Variants in CCDC150 observed in about 807,000 individuals in gnomAD.
The protein encoded by CCDC150 is coiled-coil domain containing 150.
CCDC150 carries 151 observed loss-of-function variants against 156.5 expected under a neutral mutation model. The observed-to-expected ratio is 0.97, with a 90% CI of 0.85 to 1.10. CCDC150 has a LOEUF of 1.10. CCDC150 is among the 50% of genes least tolerant of loss of function. CCDC150 has a pLI of 0.00. For missense variants in CCDC150, 1,312 were observed against 1,268.1 expected (o/e 1.03, Z -0.53); for synonymous variants, 452 against 429.4 (o/e 1.05, Z -0.65).
chr2:196,656,449 A>G (rs1158160855), intron 2 of CCDC150, among the ~76,000 whole-genome samples, 184 bp from the exon 3 acceptor site: 1 of 152,170 alleles, frequency 6.6e-6, no homozygotes, highest in Non-Finnish European at 1.5e-5. Flanking sequence ...GTGTCAATTA[A>G]TCAATTCTCA....
chr2:196,671,209 C>G (rs1193708753), intron 8 of CCDC150, among the ~76,000 whole-genome samples: 1 of 152,134 alleles, frequency 6.6e-6, no homozygotes, highest in Non-Finnish European at 1.5e-5. Flanking sequence ...TAAAAATCTT[C>G]TGTGCTTTGC....
At chr2:196,645,785 G>A (rs1193083494) in intron 1 of CCDC150, among the ~76,000 whole-genome samples, 4 of 152,144 alleles carry the variant, frequency 2.6e-5, no homozygotes, top group African/African-American at 4.8e-5. Context: ...TTCAATGCAG[G>A]ATACATAGTT....
intron 8 of CCDC150, 84 bp downstream of exon 8, chr2:196,669,960 G>T: frequency 1.0e-6 from 1 of 962,634 alleles, no homozygotes; most frequent in South Asian, 1.7e-5. Context: ...GGCTTACAGT[G>T]CTTCTTACTC....
intron 27 of CCDC150, 111 bp from the exon 28 acceptor site, chr2:196,732,335 A>G (rs1698566338): frequency 1.8e-6 from 2 of 1,125,798 alleles, no homozygotes; most frequent in African/African-American, 1.6e-5. Flanking sequence ...AACTTTTTAG[A>G]TTAGAATCAC....
intron 22 of CCDC150, 77 bp downstream of exon 22, chr2:196,726,176 A>G: frequency 1.3e-6 from 2 of 1,527,284 alleles, no homozygotes; most frequent in Non-Finnish European, 1.8e-6. Context: ...GAGAATGGCT[A>G]CAGTTGTTCT....
Position 196,732,626 on chromosome 2 carries a change from C to T in CCDC150, c.*64C>T, listed in dbSNP as rs558517703. ...TCCATGATTCCAAGAGCCCAGCAGCCGGGGCTGGCCTGTTTCTAGAGTCAT... is the reference window on the plus strand; with the variant it reads ...TCCATGATTCCAAGAGCCCAGCAGCTGGGGCTGGCCTGTTTCTAGAGTCAT... On this transcript the variant is annotated 3_prime_UTR_variant, in exon 28 of 28. Coordinates refer to ENST00000389175, the MANE Select transcript of CCDC150 (RefSeq NM_001080539.2). 1.2e-4 allele frequency: 130 copies of T among 1,099,480 alleles called. No individual in the cohort carries two copies. The highest frequency in any genetic ancestry group is 6.4e-4 in the East Asian group (27 of 42,390). 68.1% of individuals were successfully genotyped at this position (1,099,480 alleles called of 1,614,324 possible).
intron 17 of CCDC150, among the ~76,000 whole-genome samples, chr2:196,716,248 T>C (rs1349117874): frequency 6.6e-6 from 1 of 152,206 alleles, no homozygotes; most frequent in East Asian, 1.9e-4. Flanking sequence ...ACCCAGTCAG[T>C]GCACTACTAA....
chr2:196,686,298 G>C (rs1695124248), intron 13 of CCDC150: 1 of 178,134 alleles, frequency 5.6e-6, no homozygotes, highest in African/African-American at 2.4e-5. Context: ...AGCTGGGCAA[G>C]TTCAACAACA....
chr2:196,660,812 A>G (rs922913785), intron 5 of CCDC150, among the ~76,000 whole-genome samples: 1 of 152,214 alleles, frequency 6.6e-6, no homozygotes, highest in African/African-American at 2.4e-5. Context: ...GAAGTCCAAT[A>G]TATCAATTTT....
intron 4 of CCDC150, among the ~76,000 whole-genome samples, chr2:196,657,706 ATGT>A (rs927370932): frequency 4.6e-5 from 7 of 152,104 alleles, no homozygotes; most frequent in Non-Finnish European, 7.4e-5. Flanking sequence ...GAAACTAACA[ATGT>A]TGTTCTCCCT....
chr2:196,699,877 T>C (rs964489693), intron 14 of CCDC150, among the ~76,000 whole-genome samples: 2 of 152,180 alleles, frequency 1.3e-5, no homozygotes, highest in African/African-American at 4.8e-5. Flanking sequence ...TTACAGATTA[T>C]AGTAATCTAG....
intron 4 of CCDC150, among the ~76,000 whole-genome samples, chr2:196,657,987 T>C (rs1693325449): frequency 3.3e-5 from 5 of 152,162 alleles, no homozygotes; most frequent in Admixed American, 3.3e-4. Flanking sequence ...AGTTGGATAT[T>C]AGCTAGCAAT....
In CCDC150 at chr2:196,721,692, G is replaced by A; in HGVS notation, c.2429+1G>A. 1 of 1,588,790 alleles carries A rather than the reference G, an allele frequency of 6.3e-7. No individual in the cohort carries two copies. The highest frequency in any genetic ancestry group is 8.6e-7 in the Non-Finnish European group (1 of 1,168,344). On this transcript the variant is annotated splice_donor_variant, in intron 21 of 27. Coordinates refer to ENST00000389175, the MANE Select transcript of CCDC150 (RefSeq NM_001080539.2). LOFTEE classifies it high-confidence loss of function. ...AGCGACAGAATTTGGAAACCTTCAA[G>A]TAAGAGCATTATAGTTGCAGTAAAA... is the stretch of plus-strand genomic sequence containing the variant.
chr2:196,696,465 G>C (rs1323665414), intron 14 of CCDC150, among the ~76,000 whole-genome samples: 1 of 152,194 alleles, frequency 6.6e-6, no homozygotes, highest in Admixed American at 6.5e-5. Flanking sequence ...TTCTCAGTCT[G>C]ACTGATTCTT....
intron 13 of CCDC150, among the ~76,000 whole-genome samples, chr2:196,694,574 T>G (rs1208235454): frequency 6.6e-6 from 1 of 152,052 alleles, no homozygotes; most frequent in Non-Finnish European, 1.5e-5. Flanking sequence ...TTAAAAACAT[T>G]ATAGAGTGGC....
intron 13 of CCDC150, among the ~76,000 whole-genome samples, chr2:196,693,876 T>C (rs1409190557): frequency 2.6e-5 from 4 of 152,148 alleles, no homozygotes; most frequent in Admixed American, 2.6e-4. Context: ...ATTCTTTTAC[T>C]GCGAGTATTA....
chr2:196,649,779 C>G (rs1692769200), intron 2 of CCDC150, among the ~76,000 whole-genome samples: 1 of 152,042 alleles, frequency 6.6e-6, no homozygotes, highest in South Asian at 2.1e-4. Flanking sequence ...GGATTATTTT[C>G]TTAATTTCTT....
chr2:196,658,711 C>T lies in CCDC150; in HGVS notation c.577-81C>T, dbSNP rs1575769554. On this transcript the variant is annotated intron_variant, in intron 4 of 27. Coordinates refer to ENST00000389175, the MANE Select transcript of CCDC150 (RefSeq NM_001080539.2). ...CATTTATAGGTTGCCAGAAAAAAAC[C>T]TGATTTGATCTGATATACCTATAGA... 4.0e-6 allele frequency: 4 copies of T among 990,420 alleles called. No individual in the cohort carries two copies. In the African/African-American group the frequency reaches 5.0e-5, roughly 12 times the overall value. 61.4% of individuals were successfully genotyped at this position (990,420 alleles called of 1,614,324 possible).
At chr2:196,680,955 G>T (rs184732299) in intron 13 of CCDC150, among the ~76,000 whole-genome samples, 172 of 152,212 alleles carry the variant, frequency 1.1e-3, no homozygotes, top group Admixed American at 1.6e-3. Context: ...TTTAATTGAG[G>T]TGAAATTCAC....
Sources: allele counts gnomAD v4.1 joint callset (sites outside exome capture counted in the v4.1 genomes callset), GRCh38; gene constraint gnomAD v4.1.1; transcripts MANE v1.5; gene names NCBI Gene and HGNC (gene_info 2026-07-23, HGNC 2026-07-21).